Variants in TMC5 observed in about 807,000 individuals in gnomAD.
The protein encoded by TMC5 is transmembrane channel-like protein 5.
A neutral mutation model predicts 110.5 loss-of-function variants in TMC5; 86 were observed. The ratio of observed to expected loss-of-function variants is 0.78; its 90% CI spans 0.65 to 0.93. TMC5 has a LOEUF of 0.93. Ranked by LOEUF, TMC5 falls within the 40% of genes least tolerant of loss-of-function variation. The pLI is 0.00. For missense variants in TMC5, 1,144 were observed against 1,222.8 expected, an observed-to-expected ratio of 0.94 and a Z score of 0.96; for synonymous variants, 455 against 439.5, an observed-to-expected ratio of 1.04 and a Z score of -0.44.
intron 2 of TMC5, among the ~76,000 whole-genome samples, chr16:19,436,328 C>T (rs1438804257): frequency 6.8e-6 from 1 of 146,806 alleles, no homozygotes; most frequent in Non-Finnish European, 1.5e-5. Flanking sequence ...GAACATTTTT[C>T]TTATCTTTTG....
chr16:19,474,380 G>A, intron 12 of TMC5, 104 bp downstream of exon 12: 1 of 1,345,990 alleles, frequency 7.4e-7, no homozygotes, highest in Non-Finnish European at 1.0e-6. Context: ...TTTCTCCAGA[G>A]AGGAAGAATT....
chr16:19,413,523 C>CAAAAA (rs869158130), upstream of TMC5, among the ~76,000 whole-genome samples: 2 of 52,984 alleles, frequency 3.8e-5, no homozygotes, highest in African/African-American at 9.8e-5. Context: ...AACCCTGCCT[C>CAAAAA]AAAAAAAAAA....
chr16:19,482,108 G>A (rs1010573187), intron 15 of TMC5, among the ~76,000 whole-genome samples: 1 of 152,128 alleles, frequency 6.6e-6, no homozygotes, highest in Non-Finnish European at 1.5e-5. Flanking sequence ...CGCCCAGGCT[G>A]GAGTGCAGTG....
chr16:19,495,676 C>T (rs1055854556), intron 20 of TMC5, among the ~76,000 whole-genome samples: 3 of 152,006 alleles, frequency 2.0e-5, no homozygotes, highest in African/African-American at 7.2e-5. Context: ...GACCCCATCC[C>T]TTAAAAAATT....
chr16:19,495,013 T>TGCAAATCTATTTCCCTAGGCA (rs1597223407), intron 20 of TMC5, among the ~76,000 whole-genome samples: 1 of 45,080 alleles, frequency 2.2e-5, no homozygotes, highest in African/African-American at 6.6e-5. Flanking sequence ...TGTCTATTCT[T>TGCAAATCTATTTCCCTAGGCA]TTTTTTTTTT....
In TMC5 at chr16:19,434,524, A is replaced by G. The variant is rs528028303; in HGVS notation, c.-80+3884A>G. ...GAGAGAGAGAGATGGGGGTCTTGCT[A>G]TGTTGCCCAGGCTGGTCTCAAACTC... is the stretch of plus-strand genomic sequence containing the variant. On this transcript the variant is annotated intron_variant, in intron 2 of 21. Transcript: ENST00000542583. Among the ~76,000 whole-genome samples the G allele has an allele frequency of 2.5e-3, 362 of 147,118 alleles. 2 individuals are homozygous for G. Among genetic ancestry groups the G allele is most frequent in the African/African-American group, 8.4e-3 (336 of 39,788 alleles).
chr16:19,472,125 T>G lies in TMC5; in HGVS notation c.1820T>G (p.Leu607Trp), dbSNP rs201843133. The G allele has an allele frequency of 1.2e-5, 19 of 1,614,198 alleles. No individual in the cohort carries two copies. The African/African-American group carries it at 2.0e-4, about 17-fold the overall frequency. The change falls in exon 11 of 22, where the codon TTG becomes TGG. Residue 607 changes from leucine to tryptophan, a missense_variant. Physicochemically the swap from Leu to Trp is moderately conservative, Grantham distance 61. Transcript: ENST00000542583. ...LSELRQENSK[L>W]TFNQLLTRFS... ...GAGCTCCGTCAGGAGAATTCCAAGT[T>G]GACGTTCAATCAGCTGCTGACCCGC...
intron 15 of TMC5, among the ~76,000 whole-genome samples, chr16:19,484,063 C>T (rs1968679414): frequency 7.8e-6 from 1 of 127,586 alleles, no homozygotes; most frequent in African/African-American, 3.1e-5. Context: ...GCCTGGGCGA[C>T]AAGAGTGAAA....
At chr16:19,451,669 T>C (rs1967752306) in intron 5 of TMC5, among the ~76,000 whole-genome samples, 1 of 152,066 alleles carries the variant, frequency 6.6e-6, no homozygotes, top group South Asian at 2.1e-4. Flanking sequence ...TCGCTGGGTA[T>C]CCTCCAATTC....
rs775977142 is a variant in TMC5, at chr16:19,464,067, C to T, written c.1485+43C>T. Reference sequence around the variant, plus strand: ...CCTACCCCAAGTGCACCAATCACCTCGGAAACCCAGGGACGTGCCTTGCCG... The same window carrying T: ...CCTACCCCAAGTGCACCAATCACCTTGGAAACCCAGGGACGTGCCTTGCCG... On this transcript the variant is annotated intron_variant, in intron 8 of 21. Transcript: ENST00000542583. 17 of 1,596,674 alleles carry T rather than the reference C, an allele frequency of 1.1e-5. No individual in the cohort carries two copies. The African/African-American group carries it at 1.1e-4, about 10-fold the overall frequency.
At chr16:19,471,608 G>A (rs961578239) in intron 10 of TMC5, among the ~76,000 whole-genome samples, 2 of 152,150 alleles carry the variant, frequency 1.3e-5, no homozygotes, top group African/African-American at 2.4e-5. Context: ...CATAATCCAT[G>A]TTCATCATGA....
chr16:19,448,316 A>ACACACACT (rs1967664248), intron 4 of TMC5, among the ~76,000 whole-genome samples: 1 of 151,788 alleles, frequency 6.6e-6, no homozygotes, highest in Non-Finnish European at 1.5e-5. Context: ...ACACACACAC[A>ACACACACT]CACACACACA....
Position 19,481,393 on chromosome 16 carries a change from C to G in TMC5, c.2291C>G (p.Thr764Arg), listed in dbSNP as rs776371575. ...LRRIIGMQLI[T>R]SLGLQEFDIA... is the part of the protein sequence containing the mutation. ...AGAATCATTGGGATGCAACTGATCACAAGTCTTGGCCTTCAGGAGTTTGAC... is the reference window on the plus strand; with the variant it reads ...AGAATCATTGGGATGCAACTGATCAGAAGTCTTGGCCTTCAGGAGTTTGAC... Residue 764 changes from threonine to arginine, a missense_variant, in exon 15 of 22, where the codon ACA (threonine) becomes AGA (arginine). Transcript: ENST00000542583. 9.3e-6 allele frequency: 15 copies of G among 1,613,864 alleles called. No homozygotes were observed. In the East Asian group the frequency reaches 3.1e-4, roughly 34 times the overall value.
At chr16:19,457,204 A>G (rs924002773) in intron 5 of TMC5, among the ~76,000 whole-genome samples, 1 of 152,198 alleles carries the variant, frequency 6.6e-6, no homozygotes, top group Non-Finnish European at 1.5e-5. Flanking sequence ...AGCCTGGGCA[A>G]CAAAGGGAGA....
At chr16:19,490,666 T>C (rs1968864522) in intron 18 of TMC5, 98 bp downstream of exon 18, 2 of 1,189,420 alleles carry the variant, frequency 1.7e-6, no homozygotes, top group Non-Finnish European at 1.2e-6. Context: ...GGCTATAGCA[T>C]AGCTCAGTGT....
chr16:19,448,601 A>C (rs895547372), intron 4 of TMC5, among the ~76,000 whole-genome samples: 2 of 150,752 alleles, frequency 1.3e-5, no homozygotes, highest in African/African-American at 4.9e-5. Flanking sequence ...CCTAGGTGAC[A>C]GAGTGAGAAC....
chr16:19,481,804 C>T (rs570793465), intron 15 of TMC5, among the ~76,000 whole-genome samples: 1 of 152,104 alleles, frequency 6.6e-6, no homozygotes, highest in Non-Finnish European at 1.5e-5. Flanking sequence ...TATGTTGAAA[C>T]CTTACTTCCA....
At position 19,490,376 on chromosome 16, in the gene TMC5, T is replaced by TC; in HGVS notation, c.2574-17dup. ...CTGAGTCTTGTGCTAGAGATGTTCT[T>TC]CCATCTTTGTTTTACCAGATTGAAG... On this transcript the variant is annotated intron_variant, in intron 17 of 21. Transcript: ENST00000542583. 1 of 1,613,480 alleles carries TC rather than the reference T, an allele frequency of 6.2e-7. No individual in the cohort carries two copies. The highest frequency in any genetic ancestry group is 8.5e-7 in the Non-Finnish European group (1 of 1,179,552).
intron 21 of TMC5, 64 bp from the exon 22 acceptor site, chr16:19,497,855 CT>C: frequency 6.7e-7 from 1 of 1,492,962 alleles, no homozygotes; most frequent in Non-Finnish European, 9.2e-7. Flanking sequence ...GCAAGCTGGT[CT>C]TTCCCTTGTA....
Sources: gnomAD v4.1 joint callset for allele counts (sites outside exome capture counted in the v4.1 genomes callset) on GRCh38, gnomAD v4.1.1 for gene constraint, MANE v1.5 for transcripts, NCBI Gene and HGNC (gene_info 2026-07-23, HGNC 2026-07-21) for gene names.